The following FKBP8 variants were observed in gnomAD, a reference collection of about 807,000 sequenced individuals.
FKBP8 encodes FKBP prolyl isomerase 8, also known as peptidyl-prolyl cis-trans isomerase FKBP8.
A neutral mutation model predicts 41.7 loss-of-function variants in FKBP8; 5 were observed. That is an observed-to-expected ratio of 0.12 (90% CI 0.06 to 0.25). FKBP8 has a LOEUF of 0.25. Ranked by LOEUF, FKBP8 falls within the 10% of genes least tolerant of loss-of-function variation. The pLI is 1.00. For missense variants in FKBP8, 397 were observed against 563.0 expected (o/e 0.71, Z 2.98); for synonymous variants, 279 against 254.5 (o/e 1.10, Z -0.92).
In FKBP8 at chr19:18,537,669, G is replaced by C; in HGVS notation, c.877C>G (p.Leu293Val). ...QLKLDHYRAA[L>V]RSCSLVLEHQ... The stretch of plus-strand genomic sequence containing the variant: ...TCCAGCACAAGGCTGCAGGAGCGCA[G>C]GGCTGCGCGGTAGTGGTCGAGCTTC... Residue 293 changes from leucine (L) to valine (V), a missense_variant, in exon 6 of 9, where the codon CTG becomes GTG. Around this residue, in one of 2 missense-constraint regions of FKBP8, gnomAD observed 225 missense variants for 366.8 expected, o/e 0.61. Coordinates refer to ENST00000608443, the MANE Select transcript of FKBP8 (RefSeq NM_012181.5). The surrounding 1 kb of genome is among the most constrained non-coding windows in gnomAD (Gnocchi z 4.4). 6.2e-7 allele frequency: 1 copy of C among 1,613,744 alleles called. No homozygotes were observed. The highest frequency in any genetic ancestry group is 8.5e-7 in the Non-Finnish European group (1 of 1,179,910).
chr19:18,535,532 G>A (rs574122695), intron 6 of FKBP8, among the ~76,000 whole-genome samples: 1 of 151,956 alleles, frequency 6.6e-6, no homozygotes, highest in Non-Finnish European at 1.5e-5. Flanking sequence ...AGCACTTTGG[G>A]AGGTCAAGGC....
intron 1 of FKBP8, chr19:18,542,216 T>C: frequency 3.8e-6 from 2 of 531,212 alleles, no homozygotes; most frequent in Non-Finnish European, 6.5e-6. Flanking sequence ...GTGTTAGCCA[T>C]TATTAGAGCT....
intron 2 of FKBP8, 31 bp downstream of exon 2, chr19:18,541,648 A>G (rs887465649): frequency 2.5e-6 from 4 of 1,572,284 alleles, no homozygotes; most frequent in Non-Finnish European, 3.5e-6. Context: ...GGCCAGGGCC[A>G]AGGGCACCCT....
chr19:18,537,780 G>T lies in FKBP8; in HGVS notation c.773-7C>A, dbSNP rs940643777. The T allele has an allele frequency of 4.4e-6, 7 of 1,601,256 alleles. No homozygotes were observed. Among genetic ancestry groups the T allele is most frequent in the Non-Finnish European group, 3.4e-6 (4 of 1,170,994 alleles). ...TCCTCGAACGTCATGTCCACTATTG[G>T]GAGACAGTGCCCGCCACGGCAGCCG... On this transcript the variant is annotated splice_polypyrimidine_tract_variant and splice_region_variant and intron_variant, in intron 5 of 8. Coordinates refer to ENST00000608443, the MANE Select transcript of FKBP8 (RefSeq NM_012181.5). The surrounding 1 kb of genome is among the most constrained non-coding windows in gnomAD (Gnocchi z 4.4).
At chr19:18,535,575 C>G (rs1976553904) in intron 6 of FKBP8, among the ~76,000 whole-genome samples, 1 of 151,836 alleles carries the variant, frequency 6.6e-6, no homozygotes, top group South Asian at 2.1e-4. Flanking sequence ...AGTTCAAGAC[C>G]AGCCTGGCCA....
Position 18,542,811 on chromosome 19 carries a change from G to A in FKBP8, c.-26+675C>T, listed in dbSNP as rs139218213. The A allele has an allele frequency of 3.6e-4, 351 of 972,430 alleles. 2 individuals carry two copies. In the African/African-American group the frequency reaches 5.0e-3, roughly 14 times the overall value. 60.2% of individuals were successfully genotyped at this position (972,430 alleles called of 1,614,324 possible). On this transcript the variant is annotated intron_variant, in intron 1 of 8. Coordinates refer to ENST00000608443, the MANE Select transcript of FKBP8 (RefSeq NM_012181.5). ...TCCTGAACCAATAACCAACCCCTCC[G>A]TCCCCCAGGCCCCAAGCTCAGAAGA...
At chr19:18,534,738 T>A (rs957747727) in intron 6 of FKBP8, among the ~76,000 whole-genome samples, 1 of 149,688 alleles carries the variant, frequency 6.7e-6, no homozygotes, top group Non-Finnish European at 1.5e-5. Context: ...TGTACTACCA[T>A]GTCCAACGAA....
chr19:18,541,719 G>A lies in FKBP8; in HGVS notation c.252C>T (p.Pro84=), dbSNP rs11574805. ...REFLAAMEPE[P]APAPAPEEWL... ...ACTCTTCTGGGGCCGGGGCTGGGGC[G>A]GGCTCGGGCTCCATGGCAGCAAGGA... Residue 84 remains proline (P), a synonymous_variant, in exon 2 of 9, where the codon CCC becomes CCT. Transcript: ENST00000608443. 2.4e-4 allele frequency: 389 copies of A among 1,613,006 alleles called. 4 individuals are homozygous for A. In the East Asian group the frequency reaches 7.6e-3, roughly 32 times the overall value.
chr19:18,533,373 C>T (rs1188121533), intron 6 of FKBP8, 26 bp from the exon 7 acceptor site: 4 of 1,569,448 alleles, frequency 2.5e-6, no homozygotes, highest in East Asian at 2.3e-5. Flanking sequence ...GGTGGCATCA[C>T]TCTGGACCCA....
intron 8 of FKBP8, 139 bp downstream of exon 8, chr19:18,532,525 C>T (rs1452092521): frequency 3.0e-6 from 4 of 1,324,114 alleles, no homozygotes; most frequent in South Asian, 2.8e-5. Flanking sequence ...CTCATGATCA[C>T]ACAGGGCTGG....
At position 18,533,327 on chromosome 19, in the gene FKBP8, C is replaced by T. The variant is rs372993904; in HGVS notation, c.966G>A (p.Glu322=). ...TCAGGATGGGGATGGCCTCACTGTA[C>T]TCCCCCTGCTGGGCCAGCACCTGTA... ...RKGKVLAQQG[E]YSEAIPILRA... The change falls in exon 7 of 9, where the codon GAG becomes GAA. Residue 322 remains glutamate (E), a synonymous_variant. Transcript: ENST00000608443. The T allele has an allele frequency of 3.2e-5, 52 of 1,605,946 alleles. No individual in the cohort carries two copies. In the African/African-American group the frequency reaches 5.5e-4, roughly 17 times the overall value.
chr19:18,543,026 C>T, intron 1 of FKBP8: 2 of 559,634 alleles, frequency 3.6e-6, no homozygotes, highest in South Asian at 1.8e-5. Context: ...CACGGGCCAG[C>T]TCCCCCCACA....
chr19:18,542,106 A>G, intron 1 of FKBP8, 111 bp from the exon 2 acceptor site: 1 of 1,436,418 alleles, frequency 7.0e-7, no homozygotes. Flanking sequence ...CAAGGGCTCC[A>G]GGCCTCAGTT....
chr19:18,533,870 A>G (rs781522760), intron 6 of FKBP8, among the ~76,000 whole-genome samples: 23 of 149,224 alleles, frequency 1.5e-4, no homozygotes, highest in Non-Finnish European at 2.7e-4. Flanking sequence ...TAGCTGGGCG[A>G]GGTGGCGGGC....
chr19:18,535,816 C>T (rs1034127088), intron 6 of FKBP8, among the ~76,000 whole-genome samples: 5 of 151,800 alleles, frequency 3.3e-5, no homozygotes, highest in African/African-American at 7.3e-5. Flanking sequence ...AGAGAGGAGC[C>T]GGCCCAGGAG....
At position 18,537,814 on chromosome 19, in the gene FKBP8, C is replaced by T. The variant is rs1226486046; in HGVS notation, c.773-41G>A. On this transcript the variant is annotated intron_variant, in intron 5 of 8. Transcript: ENST00000608443. This position sits in a 1 kb window ranked among gnomAD's most constrained non-coding sequence, Gnocchi z 4.4. Reference sequence around the variant, plus strand: ...GCCCGCCACGGCAGCCGTCACCATGCCACCAGACACCCCGGCACCCACCCC... The same window carrying T: ...GCCCGCCACGGCAGCCGTCACCATGTCACCAGACACCCCGGCACCCACCCC... 1 of 1,571,738 alleles carries T rather than the reference C, an allele frequency of 6.4e-7. No individual in the cohort carries two copies. The highest frequency in any genetic ancestry group is 1.2e-5 in the South Asian group (1 of 85,448).
At position 18,537,951 on chromosome 19, in the gene FKBP8, C is replaced by T. The variant is rs1600534684; in HGVS notation, c.773-178G>A. 1 of 717,580 alleles carries T rather than the reference C, an allele frequency of 1.4e-6. No homozygotes were observed. The highest frequency in any genetic ancestry group is 2.3e-6 in the Non-Finnish European group (1 of 443,318). The allele number at this position is 717,580 out of a possible 1,614,324, so 44.5% of individuals were successfully genotyped here. A position where few individuals can be genotyped will look rare whatever the true frequency, so the allele number is the denominator to read the frequency against. The stretch of plus-strand genomic sequence containing the variant: ...GCTACAAGATGGAGACTTAAGCAAG[C>T]GAGGGCCTAGCCTGTGGTACATGTG... On this transcript the variant is annotated intron_variant, in intron 5 of 8. Coordinates refer to ENST00000608443, the MANE Select transcript of FKBP8 (RefSeq NM_012181.5). The surrounding 1 kb of genome is among the most constrained non-coding windows in gnomAD (Gnocchi z 4.4).
intron 6 of FKBP8, among the ~76,000 whole-genome samples, chr19:18,535,541 GC>G (rs1040217893): frequency 6.6e-5 from 10 of 151,992 alleles, no homozygotes; most frequent in African/African-American, 2.4e-4. Flanking sequence ...GGAGGTCAAG[GC>G]AGGTGGATCA....
chr19:18,542,345 CA>C, intron 1 of FKBP8: 1 of 220,294 alleles, frequency 4.5e-6, no homozygotes, highest in Non-Finnish European at 9.1e-6. Context: ...CAGAGAAAGC[CA>C]AAGGCCAAAG....
Sources: allele counts gnomAD v4.1 joint callset (sites outside exome capture counted in the v4.1 genomes callset), GRCh38; gene constraint gnomAD v4.1.1; regional missense constraint gnomAD v4.1.1; non-coding constraint Gnocchi (gnomAD v3.1); transcripts MANE v1.5; gene names NCBI Gene and HGNC (gene_info 2026-07-23, HGNC 2026-07-21).